The following POU2F1 variants were observed in gnomAD, a reference collection of about 807,000 sequenced individuals.
The protein encoded by POU2F1 is POU class 2 homeobox 1.
Under a neutral mutation model 84.9 loss-of-function variants are expected in POU2F1, and 16 were observed. The observed-to-expected ratio is 0.19, with a 90% CI of 0.13 to 0.29. The LOEUF (loss-of-function observed/expected upper bound fraction) is 0.29. POU2F1 is among the 10% of genes least tolerant of loss of function. The pLI is 1.00. For missense variants in POU2F1, 738 were observed against 942.6 expected (o/e 0.78, Z 2.84); for synonymous variants, 368 against 368.3 (o/e 1.00, Z 0.01).
intron 1 of POU2F1, among the ~76,000 whole-genome samples, chr1:167,259,661 G>A (rs1483252752): frequency 6.6e-6 from 1 of 151,938 alleles, no homozygotes. Context: ...TTGTATGTAG[G>A]GTGTGCACAT....
intron 1 of POU2F1, among the ~76,000 whole-genome samples, chr1:167,266,025 CA>C (rs1651926147): frequency 6.6e-6 from 1 of 152,216 alleles, no homozygotes; most frequent in African/African-American, 2.4e-5. Context: ...CACTTTTAAA[CA>C]AATATAACTG....
intron 2 of POU2F1, chr1:167,357,364 C>CG: frequency 1.4e-4 from 1 of 7,188 alleles, no homozygotes; most frequent in African/African-American, 4.3e-4. Flanking sequence ...ACGCCTCCCC[C>CG]CCCACCCCCC....
intron 14 of POU2F1, among the ~76,000 whole-genome samples, chr1:167,412,594 C>T (rs1650042206): frequency 6.6e-6 from 1 of 152,128 alleles, no homozygotes; most frequent in South Asian, 2.1e-4. Flanking sequence ...GCCTAGAATT[C>T]TTGACTCTTA....
chr1:167,263,099 AC>A (rs1320500367), intron 1 of POU2F1, among the ~76,000 whole-genome samples: 7 of 152,232 alleles, frequency 4.6e-5, no homozygotes, highest in African/African-American at 1.7e-4. Flanking sequence ...TTGTTGGAAC[AC>A]TTTTTTGTTT....
At chr1:167,317,810 C>T (rs1482853960) in intron 1 of POU2F1, among the ~76,000 whole-genome samples, 2 of 152,210 alleles carry the variant, frequency 1.3e-5, no homozygotes, top group East Asian at 3.9e-4. Context: ...TTTTGGGAGC[C>T]TGTCTATGGC....
chr1:167,296,020 A>C lies in POU2F1; in HGVS notation c.62-36450A>C, dbSNP rs193291505. Among the ~76,000 whole-genome samples the C allele has an allele frequency of 3.9e-3, 568 of 146,154 alleles. 9 individuals carry two copies. The highest frequency in any genetic ancestry group is 0.015 in the African/African-American group (534 of 35,862). On this transcript the variant is annotated intron_variant, in intron 1 of 15. Coordinates refer to ENST00000367866, the MANE Select transcript of POU2F1 (RefSeq NM_002697.4). ...ATTTGGTCTAAAAAGCATTACAAGT[A>C]GAAAACTTTTTTTTTTTTAGTTTCT...
intron 3 of POU2F1, among the ~76,000 whole-genome samples, chr1:167,366,786 T>C (rs954660035): frequency 8.5e-5 from 13 of 152,204 alleles, no homozygotes; most frequent in South Asian, 2.1e-4. Context: ...TCATGTTGAT[T>C]TTTTTTCTAA....
rs1650670634 is a variant in POU2F1 at position 167,421,911 on chromosome 1, G to A, written c.*6101G>A. 8.1e-6 allele frequency: 1 copy of A among 123,034 alleles called. No individual in the cohort carries two copies. The allele number at this position is 123,034 out of a possible 1,614,324, so 7.6% of individuals were successfully genotyped here. ...GTTACAATTTATAGGGTTAGGGAGG[G>A]TTGGGTGGGGGAAGAGGAGATGTTG... On this transcript the variant is annotated 3_prime_UTR_variant, in exon 16 of 16. Transcript: ENST00000367866.
intron 7 of POU2F1, chr1:167,379,732 T>C (rs1647380687): frequency 6.6e-6 from 1 of 152,188 alleles, no homozygotes. Flanking sequence ...TGCCAAAGCC[T>C]TAAGATAGAA....
intron 1 of POU2F1, among the ~76,000 whole-genome samples, chr1:167,269,259 C>T (rs963869908): frequency 3.9e-5 from 6 of 152,168 alleles, no homozygotes; most frequent in Non-Finnish European, 7.4e-5. Flanking sequence ...AATTAGCCTG[C>T]TAATTGTAAA....
At chr1:167,362,809 C>G (rs1354693648) in intron 2 of POU2F1, among the ~76,000 whole-genome samples, 3 of 151,888 alleles carry the variant, frequency 2.0e-5, no homozygotes, top group Non-Finnish European at 4.4e-5. Flanking sequence ...AGTACCTGGC[C>G]CTAGGATGAA....
intron 1 of POU2F1, among the ~76,000 whole-genome samples, chr1:167,302,767 T>C (rs73022232): frequency 0.092 from 14,065 of 152,222 alleles, 2,093 homozygotes; most frequent in African/African-American, 0.32. Context: ...CACTGACTTA[T>C]ACCAGTTATA....
chr1:167,252,484 G>A (rs572110060), intron 1 of POU2F1, among the ~76,000 whole-genome samples: 5 of 152,278 alleles, frequency 3.3e-5, no homozygotes, highest in South Asian at 2.1e-4. Context: ...GATTACATGC[G>A]TGAGCCACCG....
At chr1:167,296,151 C>G (rs1226606713) in intron 1 of POU2F1, among the ~76,000 whole-genome samples, 3 of 151,940 alleles carry the variant, frequency 2.0e-5, no homozygotes, top group South Asian at 2.1e-4. Flanking sequence ...ATCCATTGAG[C>G]CTTTTTGCAT....
chr1:167,424,390 C>T lies in POU2F1; in HGVS notation c.*8580C>T, dbSNP rs947400082. On this transcript the variant is annotated 3_prime_UTR_variant, in exon 16 of 16. Coordinates refer to ENST00000367866, the MANE Select transcript of POU2F1 (RefSeq NM_002697.4). ...GTGCATTGCTCAGTCCGCAGGAGGT[C>T]TCACTCCGCAGGAAACGCTCTCCTC... 6.6e-6 allele frequency: 1 copy of T among 152,288 alleles called. No homozygotes were observed. The highest frequency in any genetic ancestry group is 1.5e-5 in the Non-Finnish European group (1 of 68,086). 9.4% of individuals were successfully genotyped at this position (152,288 alleles called of 1,614,324 possible). A position where few individuals can be genotyped will look rare whatever the true frequency, so the allele number is the denominator to read the frequency against.
chr1:167,240,190 A>G (rs1192571735), intron 1 of POU2F1, among the ~76,000 whole-genome samples: 1 of 152,232 alleles, frequency 6.6e-6, no homozygotes, highest in African/African-American at 2.4e-5. Context: ...AGACATTAGT[A>G]GTACATAACA....
Position 167,420,499 on chromosome 1 carries a change from A to G in POU2F1, c.*4689A>G, listed in dbSNP as rs1334872257. On this transcript the variant is annotated 3_prime_UTR_variant, in exon 16 of 16. Coordinates refer to ENST00000367866, the MANE Select transcript of POU2F1 (RefSeq NM_002697.4). ...TTAAAGTGATAAATCCTGATATTAT[A>G]CATTGCAATTAGTGTAGAATAAACG... 3 of 152,204 alleles carry G rather than the reference A, an allele frequency of 2.0e-5. No individual in the cohort carries two copies. Among genetic ancestry groups the G allele is most frequent in the African/African-American group, 7.2e-5 (3 of 41,442 alleles). 9.4% of individuals were successfully genotyped at this position (152,204 alleles called of 1,614,324 possible). A position where few individuals can be genotyped will look rare whatever the true frequency, so the allele number is the denominator to read the frequency against.
chr1:167,358,737 T>TTTTTTTTTTTTTG lies in POU2F1; in HGVS notation c.128-6730_128-6729insTTTTTTTTTTTTG, dbSNP rs71097670. Among the ~76,000 whole-genome samples, 885 of 88,748 alleles carry TTTTTTTTTTTTTG rather than the reference T, an allele frequency of 1.0e-2. 140 individuals are homozygous for TTTTTTTTTTTTTG. Among genetic ancestry groups the TTTTTTTTTTTTTG allele is most frequent in the Non-Finnish European group, 0.014 (632 of 44,852 alleles). 58.2% of individuals were successfully genotyped at this position (88,748 alleles called of 152,430 possible). On this transcript the variant is annotated intron_variant, in intron 2 of 15. Coordinates refer to ENST00000367866, the MANE Select transcript of POU2F1 (RefSeq NM_002697.4). ...GCAGCTTTTTTTTTTTTTTTTTTTTTGAGACAGGTTCTGACTGTGCTGCTC... is the reference window on the plus strand; with the variant it reads ...GCAGCTTTTTTTTTTTTTTTTTTTTTTTTTTTTTTTTTGGAGACAGGTTCTGACTGTGCTGCTC...
Position 167,323,688 on chromosome 1 carries a change from CTATTTATT to C in POU2F1, c.62-8767_62-8760del, listed in dbSNP as rs201333646. On this transcript the variant is annotated intron_variant, in intron 1 of 15. Coordinates refer to ENST00000367866, the MANE Select transcript of POU2F1 (RefSeq NM_002697.4). ...GCTAGTTGTACTAATTTTAATCACA[CTATTTATT>C]TATTTATTTATTTACAGATGGAGTT... Among the ~76,000 whole-genome samples the C allele has an allele frequency of 2.0e-5, 3 of 152,022 alleles. No individual in the cohort carries two copies. The South Asian group carries it at 6.2e-4, about 32-fold the overall frequency.
Sources: allele counts gnomAD v4.1 joint callset (sites outside exome capture counted in the v4.1 genomes callset), GRCh38; gene constraint gnomAD v4.1.1; transcripts MANE v1.5; gene names NCBI Gene and HGNC (gene_info 2026-07-23, HGNC 2026-07-21).